Variants in THADA observed in about 807,000 individuals in gnomAD.
THADA encodes THADA armadillo repeat containing.
Under a neutral mutation model 219.8 loss-of-function variants are expected in THADA, and 213 were observed. The ratio of observed to expected loss-of-function variants is 0.97; its 90% CI spans 0.87 to 1.09. The LOEUF (loss-of-function observed/expected upper bound fraction) is 1.09, where lower values mean the gene tolerates loss of function less well. Among genes scored for constraint, THADA ranks in the 50% least tolerant of loss-of-function variants. The probability of loss-of-function intolerance (pLI) is 0.00; values close to 1 mark genes in which losing one functional copy is unlikely to be tolerated. For synonymous variants in THADA, 1,018 were observed against 828.9 expected, an observed-to-expected ratio of 1.23 and a Z score of -3.92; for missense variants, 2,956 against 2,311.3, an observed-to-expected ratio of 1.28 and a Z score of -5.72.
intron 7 of THADA, among the ~76,000 whole-genome samples, chr2:43,584,818 G>T (rs1225632199): frequency 6.6e-6 from 1 of 152,120 alleles, no homozygotes; most frequent in Non-Finnish European, 1.5e-5. Flanking sequence ...ATTGAAGACA[G>T]GAAGACTGAA....
chr2:43,258,717 C>T (rs1369486955), intron 36 of THADA, among the ~76,000 whole-genome samples: 8 of 152,146 alleles, frequency 5.3e-5, no homozygotes. Context: ...AGTTGAAGGT[C>T]ACTTTTAGAA....
chr2:43,445,779 T>C (rs745671750), intron 26 of THADA, among the ~76,000 whole-genome samples: 5 of 152,224 alleles, frequency 3.3e-5, no homozygotes, highest in African/African-American at 1.2e-4. Flanking sequence ...GTTCAAGTGA[T>C]CCTCTTGCCT....
intron 26 of THADA, among the ~76,000 whole-genome samples, chr2:43,468,197 G>C (rs973876939): frequency 1.3e-5 from 2 of 152,162 alleles, no homozygotes; most frequent in Non-Finnish European, 2.9e-5. Flanking sequence ...CATTGTTTCA[G>C]CTTTTTGAGA....
chr2:43,311,868 AGCTGG>A (rs1368156726), intron 31 of THADA, among the ~76,000 whole-genome samples: 1 of 152,194 alleles, frequency 6.6e-6, no homozygotes, highest in African/African-American at 2.4e-5. Flanking sequence ...TGTGATGTGC[AGCTGG>A]AGCTGGGAAA....
Position 43,472,464 on chromosome 2 carries a change from A to G in THADA, c.3836+12770T>C, listed in dbSNP as rs1685015652. Among the ~76,000 whole-genome samples the G allele has an allele frequency of 2.0e-5, 3 of 152,250 alleles. No homozygotes were observed. In the South Asian group the frequency reaches 6.2e-4, roughly 31 times the overall value. On this transcript the variant is annotated intron_variant, in intron 26 of 37. Transcript: ENST00000405975. ...ACTAATCAAAACAAGAGAATCATTG[A>G]AAGAACCTCTTTTATTTCCTTGAAG...
At chr2:43,493,774 A>T (rs1270133069) in intron 25 of THADA, among the ~76,000 whole-genome samples, 2 of 152,170 alleles carry the variant, frequency 1.3e-5, no homozygotes, top group Non-Finnish European at 2.9e-5. Context: ...TCTCTGAAAT[A>T]TTTTTAATAT....
intron 22 of THADA, among the ~76,000 whole-genome samples, chr2:43,515,319 T>A (rs868439699): frequency 9.4e-4 from 9 of 9,594 alleles, no homozygotes; most frequent in Non-Finnish European, 1.8e-3. Context: ...TATAATATTT[T>A]ATATATAATA....
At chr2:43,555,998 C>T in intron 17 of THADA, 1 of 240,624 alleles carries the variant, frequency 4.2e-6, no homozygotes, top group Non-Finnish European at 6.9e-6. Context: ...GAAAAAGGAA[C>T]TCCACCTATA....
At chr2:43,272,623 C>CTTTT (rs397871468) in intron 36 of THADA, among the ~76,000 whole-genome samples, 7 of 120,266 alleles carry the variant, frequency 5.8e-5, no homozygotes, top group Admixed American at 8.5e-5. Context: ...TGGTTTTGTG[C>CTTTT]TTTTTTTTTT....
chr2:43,552,428 C>T (rs1161128574), intron 17 of THADA, 89 bp from the exon 18 acceptor site: 2 of 1,358,954 alleles, frequency 1.5e-6, no homozygotes, highest in South Asian at 3.0e-5. Flanking sequence ...ATTAATATGG[C>T]CAACTCAAAT....
intron 16 of THADA, among the ~76,000 whole-genome samples, chr2:43,559,560 T>C (rs1697809438): frequency 6.6e-6 from 1 of 152,130 alleles, no homozygotes; most frequent in Admixed American, 6.5e-5. Context: ...CCAACAGCCC[T>C]AGGAGAAGCC....
chr2:43,581,263 C>T (rs1700407113), intron 8 of THADA, among the ~76,000 whole-genome samples: 1 of 152,096 alleles, frequency 6.6e-6, no homozygotes, highest in African/African-American at 2.4e-5. Flanking sequence ...GGCACAGTGG[C>T]TCACACCTGT....
At chr2:43,311,941 G>A (rs917800301) in intron 31 of THADA, among the ~76,000 whole-genome samples, 2 of 152,246 alleles carry the variant, frequency 1.3e-5, no homozygotes, top group African/African-American at 4.8e-5. Context: ...GCTCATGCCT[G>A]TAATCCCAGC....
chr2:43,557,663 CAT>C (rs1697547169), intron 16 of THADA, among the ~76,000 whole-genome samples: 1 of 152,328 alleles, frequency 6.6e-6, no homozygotes, highest in African/African-American at 2.4e-5. Flanking sequence ...CAACAGAAGA[CAT>C]AAGTCCTAGT....
chr2:43,412,674 A>C (rs1373027435), intron 28 of THADA, among the ~76,000 whole-genome samples: 1 of 152,198 alleles, frequency 6.6e-6, no homozygotes, highest in Non-Finnish European at 1.5e-5. Context: ...GAAAGTAAAG[A>C]AATCTTATTT....
intron 25 of THADA, among the ~76,000 whole-genome samples, chr2:43,495,760 G>C (rs1229755591): frequency 6.6e-6 from 1 of 152,160 alleles, no homozygotes; most frequent in African/African-American, 2.4e-5. Flanking sequence ...CTTCAAGAAA[G>C]CAATATTGAT....
Position 43,282,508 on chromosome 2 carries a change from G to A in THADA, c.5165-2612C>T, listed in dbSNP as rs201603639. On this transcript the variant is annotated intron_variant, in intron 35 of 37. Transcript: ENST00000405975. ...TCCTTTCTCCACAACTATACTGAAAGCTCCTTGGAGGCAGTGACCATGTCT... is the reference window on the plus strand; with the variant it reads ...TCCTTTCTCCACAACTATACTGAAAACTCCTTGGAGGCAGTGACCATGTCT... Among the ~76,000 whole-genome samples, 4 of 152,264 alleles carry A rather than the reference G, an allele frequency of 2.6e-5. No individual in the cohort carries two copies. The East Asian group carries it at 5.8e-4, about 22-fold the overall frequency.
intron 31 of THADA, among the ~76,000 whole-genome samples, chr2:43,310,572 C>A (rs6714624): frequency 0.74 from 111,765 of 152,048 alleles, 41,918 homozygotes; most frequent in Middle Eastern, 0.81. Context: ...TCTGTACCTC[C>A]TATCAGATAT....
At chr2:43,243,353 G>A (rs1372627496) in intron 36 of THADA, among the ~76,000 whole-genome samples, 1 of 152,182 alleles carries the variant, frequency 6.6e-6, no homozygotes, top group African/African-American at 2.4e-5. Flanking sequence ...CATTTAGTAG[G>A]TAGGGGCTAG....
Sources: allele counts gnomAD v4.1 joint callset (sites outside exome capture counted in the v4.1 genomes callset), GRCh38; gene constraint gnomAD v4.1.1; transcripts MANE v1.5; gene names NCBI Gene and HGNC (gene_info 2026-07-23, HGNC 2026-07-21).